Variants in RTN4 observed in about 807,000 individuals in gnomAD.
The protein encoded by RTN4 is reticulon 4.
In RTN4, 32 loss-of-function variants were observed where a neutral mutation model predicts 90.4. The observed-to-expected ratio is 0.35, with a 90% CI of 0.27 to 0.48. The LOEUF (loss-of-function observed/expected upper bound fraction) is 0.48, where lower values mean the gene tolerates loss of function less well. Ranked by LOEUF, RTN4 falls within the 20% of genes least tolerant of loss-of-function variation. The probability of loss-of-function intolerance (pLI) is 0.99; values close to 1 mark genes in which losing one functional copy is unlikely to be tolerated. For synonymous variants in RTN4, 629 were observed against 552.5 expected, an observed-to-expected ratio of 1.14 and a Z score of -1.94; for missense variants, 1,706 against 1,430.2, an observed-to-expected ratio of 1.19 and a Z score of -3.11.
chr2:55,066,725 T>C (rs961078669), intron 2 of RTN4, among the ~76,000 whole-genome samples: 4 of 151,596 alleles, frequency 2.6e-5, no homozygotes, highest in Non-Finnish European at 5.9e-5. Flanking sequence ...AATAAATAAA[T>C]AAATAAAGCC....
At chr2:54,973,421 A>AAAC in intron 8 of RTN4, 142 bp downstream of exon 8, 1 of 789,786 alleles carries the variant, frequency 1.3e-6, no homozygotes, top group Non-Finnish European at 2.1e-6. Context: ...AATGTTAGAA[A>AAAC]AACAATCTTT....
chr2:55,100,522 A>G (rs756638558), intron 1 of RTN4, among the ~76,000 whole-genome samples: 25 of 152,260 alleles, frequency 1.6e-4, no homozygotes, highest in Non-Finnish European at 2.9e-4. Flanking sequence ...AACTGAAGAC[A>G]GTGAAAGGGA....
intron 6 of RTN4, 124 bp downstream of exon 6, chr2:54,974,571 G>T (rs936946674): frequency 1.2e-6 from 1 of 813,068 alleles, no homozygotes; most frequent in Non-Finnish European, 2.1e-6. Context: ...ATGAGCTACC[G>T]CGCCCGGCCC....
chr2:55,016,985 A>G (rs1303421490), intron 3 of RTN4, among the ~76,000 whole-genome samples: 1 of 152,172 alleles, frequency 6.6e-6, no homozygotes, highest in Non-Finnish European at 1.5e-5. Flanking sequence ...TTTATTTTCA[A>G]TCTGTATTGG....
intron 2 of RTN4, among the ~76,000 whole-genome samples, chr2:55,077,295 G>A (rs551968178): frequency 1.3e-5 from 2 of 152,120 alleles, no homozygotes; most frequent in African/African-American, 2.4e-5. Flanking sequence ...TTACAGGCGT[G>A]AGCCACCACA....
intron 1 of RTN4, among the ~76,000 whole-genome samples, chr2:55,034,774 A>G (rs1453435919): frequency 1.3e-5 from 2 of 152,230 alleles, no homozygotes; most frequent in African/African-American, 4.8e-5. Flanking sequence ...TCTTCAAAGA[A>G]TAACTTTCTG....
intron 2 of RTN4, among the ~76,000 whole-genome samples, chr2:55,077,800 C>T (rs1028053530): frequency 6.8e-6 from 1 of 146,820 alleles, no homozygotes; most frequent in African/African-American, 2.5e-5. Flanking sequence ...CACAGACACA[C>T]CATATAATAC....
intron 4 of RTN4, among the ~76,000 whole-genome samples, chr2:54,983,689 A>G (rs1161122902): frequency 6.6e-6 from 1 of 152,152 alleles, no homozygotes; most frequent in Non-Finnish European, 1.5e-5. Flanking sequence ...CTCCAAACCA[A>G]TCTCTGATCT....
chr2:54,979,847 G>A (rs1400537092), intron 5 of RTN4, among the ~76,000 whole-genome samples: 1 of 152,136 alleles, frequency 6.6e-6, no homozygotes, highest in Admixed American at 6.5e-5. Context: ...TAAATGAATT[G>A]CCAGCTGGGG....
the RTN4 span, among the ~76,000 whole-genome samples, chr2:55,117,826 T>C: frequency 0.58 from 87,815 of 151,998 alleles, 25,461 homozygotes; most frequent in African/African-American, 0.63. Flanking sequence ...ACCTTTGGGG[T>C]AGGGAAGGGA....
At chr2:55,061,537 G>A (rs889909472) in intron 2 of RTN4, among the ~76,000 whole-genome samples, 5 of 152,134 alleles carry the variant, frequency 3.3e-5, no homozygotes. Flanking sequence ...TGGTTGTTAT[G>A]TCCCCTCAGT....
At chr2:55,116,386 A>T (rs1163439935), upstream of RTN4, among the ~76,000 whole-genome samples, 1 of 152,108 alleles carries the variant, frequency 6.6e-6, no homozygotes, top group Non-Finnish European at 1.5e-5. Context: ...GATATACAAC[A>T]CAGTGGTTAA....
intron 2 of RTN4, among the ~76,000 whole-genome samples, chr2:55,068,870 A>G (rs1668440223): frequency 6.6e-6 from 1 of 152,256 alleles, no homozygotes; most frequent in Admixed American, 6.5e-5. Context: ...TACTTTGACA[A>G]GGACCTTCTT....
At chr2:55,063,742 G>T (rs559191544) in intron 2 of RTN4, among the ~76,000 whole-genome samples, 1 of 152,020 alleles carries the variant, frequency 6.6e-6, no homozygotes, top group African/African-American at 2.4e-5. Context: ...TCAGCCGGGC[G>T]TGGTGGTGGG....
intron 1 of RTN4, among the ~76,000 whole-genome samples, chr2:55,094,034 C>T (rs1668989010): frequency 6.6e-6 from 1 of 152,036 alleles, no homozygotes; most frequent in Non-Finnish European, 1.5e-5. Flanking sequence ...GCGGATGGAG[C>T]CATAATGGTG....
chr2:55,025,078 T>G lies in RTN4; in HGVS notation c.3013+8A>C, dbSNP rs13401937. 0.11 allele frequency: 175,476 copies of G among 1,585,310 alleles called. 11,246 individuals are homozygous for G. The highest frequency in any genetic ancestry group is 0.23 in the African/African-American group (17,258 of 73,518). On this transcript the variant is annotated splice_region_variant and intron_variant, in intron 3 of 8. Transcript: ENST00000337526. ...TGAAAGCACAAAACTGCATATAGAT[T>G]GGATTACCTGAAGTTTTACTCAGCT...
chr2:55,046,485 A>G (rs777691889), intron 1 of RTN4, among the ~76,000 whole-genome samples: 6 of 152,100 alleles, frequency 3.9e-5, no homozygotes, highest in Non-Finnish European at 7.4e-5. Context: ...TGCAGCTCAA[A>G]TCTCACCTTC....
At position 55,050,067 on chromosome 2, in the gene RTN4, C is replaced by T; in HGVS notation, c.234G>A (p.Leu78=). ...VPTAPAAGAP[L]MDFGNDFVPP... Reference sequence around the variant, plus strand: ...GCACGAAGTCATTTCCGAAGTCCATCAGGGGCGCGCCGGCGGCAGGGGCGG... The same window carrying T: ...GCACGAAGTCATTTCCGAAGTCCATTAGGGGCGCGCCGGCGGCAGGGGCGG... The change falls in exon 1 of 9, where the codon CTG becomes CTA. Residue 78 remains leucine (L), a synonymous_variant. Coordinates refer to ENST00000337526, the MANE Select transcript of RTN4 (RefSeq NM_020532.5). This position sits in a 1 kb window ranked among gnomAD's most constrained non-coding sequence, Gnocchi z 4.6. 1 of 1,445,024 alleles carries T rather than the reference C, an allele frequency of 6.9e-7. No individual in the cohort carries two copies. The highest frequency in any genetic ancestry group is 9.1e-7 in the Non-Finnish European group (1 of 1,104,280). The allele number at this position is 1,445,024 out of a possible 1,614,324, so 89.5% of individuals were successfully genotyped here.
At chr2:55,045,616 C>A (rs972962218) in intron 1 of RTN4, among the ~76,000 whole-genome samples, 1 of 151,812 alleles carries the variant, frequency 6.6e-6, no homozygotes, top group Non-Finnish European at 1.5e-5. Flanking sequence ...AGCTCTAATT[C>A]GAGAAGGGGT....
Sources: allele counts gnomAD v4.1 joint callset (sites outside exome capture counted in the v4.1 genomes callset), GRCh38; gene constraint gnomAD v4.1.1; non-coding constraint Gnocchi (gnomAD v3.1); transcripts MANE v1.5; gene names NCBI Gene and HGNC (gene_info 2026-07-23, HGNC 2026-07-21).